Variants in TGFBR3 observed in about 807,000 individuals in gnomAD.
The protein encoded by TGFBR3 is transforming growth factor beta receptor 3.
In TGFBR3, 46 loss-of-function variants were observed where a neutral mutation model predicts 87.9. The observed-to-expected ratio is 0.52, with a 90% CI of 0.41 to 0.67. TGFBR3 has a LOEUF of 0.67. Ranked by LOEUF, TGFBR3 falls within the 30% of genes least tolerant of loss-of-function variation. TGFBR3 has a pLI of 0.00. For missense variants in TGFBR3, 866 were observed against 1,041.9 expected (o/e 0.83, Z 2.32); for synonymous variants, 381 against 391.6 (o/e 0.97, Z 0.32).
chr1:91,846,034 GCT>G (rs954609941), intron 2 of TGFBR3, among the ~76,000 whole-genome samples: 2 of 152,152 alleles, frequency 1.3e-5, no homozygotes, highest in African/African-American at 4.8e-5. Context: ...TGGTCTCTGG[GCT>G]CTCTAGGTCT....
chr1:91,689,836 T>A (rs1250138066), intron 16 of TGFBR3, among the ~76,000 whole-genome samples: 5 of 91,966 alleles, frequency 5.4e-5, no homozygotes, highest in East Asian at 2.9e-4. Context: ...TTTAAGAAAC[T>A]GATTAAAAAA....
chr1:91,829,085 GCA>G (rs1400147614), intron 2 of TGFBR3, among the ~76,000 whole-genome samples: 2 of 152,094 alleles, frequency 1.3e-5, no homozygotes, highest in Non-Finnish European at 2.9e-5. Context: ...CAGTAACAAG[GCA>G]CAGTGTGGCT....
At chr1:91,727,504 T>A (rs889558198) in intron 7 of TGFBR3, among the ~76,000 whole-genome samples, 155 bp downstream of exon 7, 1 of 152,220 alleles carries the variant, frequency 6.6e-6, no homozygotes, top group Admixed American at 6.5e-5. Flanking sequence ...ACCGCACCTA[T>A]TTTATAGGAG....
At chr1:91,759,987 T>C (rs1156940353) in intron 3 of TGFBR3, among the ~76,000 whole-genome samples, 2 of 152,230 alleles carry the variant, frequency 1.3e-5, no homozygotes, top group African/African-American at 4.8e-5. Context: ...ATGACCAATG[T>C]CACTTATCAT....
rs180904769 is a variant in TGFBR3 at position 91,733,928 on chromosome 1, G to A, written c.568+848C>T. Reference sequence around the variant, plus strand: ...CATATGCCTGTAGTCCCAGCTTCTTGGGAGACTGAAGCAGGAGAATCACTT... The same window carrying A: ...CATATGCCTGTAGTCCCAGCTTCTTAGGAGACTGAAGCAGGAGAATCACTT... On this transcript the variant is annotated intron_variant, in intron 5 of 16. Coordinates refer to ENST00000212355, the MANE Select transcript of TGFBR3 (RefSeq NM_003243.5). 3.7e-4 allele frequency among the ~76,000 whole-genome samples: 56 copies of A among 151,998 alleles called. 1 individual carries two copies. Among genetic ancestry groups the A allele is most frequent in the Middle Eastern group, 3.4e-3 (1 of 292 alleles).
At chr1:91,777,927 A>C (rs1295357365) in intron 3 of TGFBR3, among the ~76,000 whole-genome samples, 1 of 152,208 alleles carries the variant, frequency 6.6e-6, no homozygotes, top group African/African-American at 2.4e-5. Context: ...GCCTCCACTC[A>C]ACAAACTGAA....
intron 1 of TGFBR3, among the ~76,000 whole-genome samples, chr1:91,876,110 G>T (rs1199252895): frequency 6.6e-6 from 1 of 152,018 alleles, no homozygotes; most frequent in Non-Finnish European, 1.5e-5. Flanking sequence ...GGTGTGGTGG[G>T]GGTGTGGTGG....
intron 1 of TGFBR3, among the ~76,000 whole-genome samples, chr1:91,883,347 G>A (rs767998473): frequency 6.6e-6 from 1 of 152,076 alleles, no homozygotes; most frequent in African/African-American, 2.4e-5. Context: ...AACTATATGT[G>A]TGTTTATCTA....
At chr1:91,868,098 A>T (rs544607937) in intron 1 of TGFBR3, among the ~76,000 whole-genome samples, 2 of 152,258 alleles carry the variant, frequency 1.3e-5, no homozygotes, top group African/African-American at 4.8e-5. Context: ...TTGTATTTTT[A>T]GTAGAGACAG....
chr1:91,878,643 C>T (rs1033244315), intron 1 of TGFBR3, among the ~76,000 whole-genome samples: 2 of 152,216 alleles, frequency 1.3e-5, no homozygotes, highest in East Asian at 3.8e-4. Context: ...ATCTGATCCA[C>T]AGGAAAGCTC....
intron 3 of TGFBR3, among the ~76,000 whole-genome samples, chr1:91,780,916 CACACACACACACACACAG>C (rs1258253249): frequency 7.3e-5 from 11 of 151,134 alleles, no homozygotes; most frequent in Admixed American, 3.3e-4. Flanking sequence ...CACACACACA[CACACACACACACACACAG>C]AGATCTCATC....
chr1:91,719,203 C>A, intron 10 of TGFBR3, 109 bp downstream of exon 10: 1 of 1,463,182 alleles, frequency 6.8e-7, no homozygotes, highest in East Asian at 2.3e-5. Flanking sequence ...TTTCTTCAGG[C>A]CTGGGGTGAA....
At position 91,682,505 on chromosome 1, in the gene TGFBR3, C is replaced by T; in HGVS notation, c.*1234G>A. ...CATTTAATGAAATTCACCTCAAGCC[C>T]TTTTTGACATATTAAATATATGGGA... On this transcript the variant is annotated 3_prime_UTR_variant, in exon 17 of 17. Transcript: ENST00000212355. 2.2e-6 allele frequency: 1 copy of T among 451,466 alleles called. No individual in the cohort carries two copies. Among genetic ancestry groups the T allele is most frequent in the Non-Finnish European group, 4.4e-6 (1 of 226,452 alleles). The allele number at this position is 451,466 out of a possible 1,614,324, so 28.0% of individuals were successfully genotyped here.
chr1:91,834,466 G>A (rs1010478682), intron 2 of TGFBR3, among the ~76,000 whole-genome samples: 6 of 152,182 alleles, frequency 3.9e-5, no homozygotes, highest in African/African-American at 1.4e-4. Context: ...CTGCACTAAA[G>A]TGAAAATCTA....
At chr1:91,841,251 G>A (rs1677267116) in intron 2 of TGFBR3, among the ~76,000 whole-genome samples, 2 of 152,206 alleles carry the variant, frequency 1.3e-5, no homozygotes, top group Non-Finnish European at 2.9e-5. Context: ...ACTGCACAGT[G>A]CTTTTCCTCA....
intron 4 of TGFBR3, among the ~76,000 whole-genome samples, chr1:91,745,935 T>C (rs989603713): frequency 2.0e-5 from 3 of 152,212 alleles, no homozygotes; most frequent in African/African-American, 4.8e-5. Flanking sequence ...TCTTGGGTGA[T>C]TTTATTTAGT....
chr1:91,857,768 A>G (rs1191918468), intron 2 of TGFBR3, among the ~76,000 whole-genome samples: 4 of 152,200 alleles, frequency 2.6e-5, no homozygotes, highest in Non-Finnish European at 5.9e-5. Flanking sequence ...GCAAGATCCC[A>G]TCTCTCCAAA....
chr1:91,697,648 TAC>T (rs1290876663), intron 15 of TGFBR3, among the ~76,000 whole-genome samples: 3 of 152,238 alleles, frequency 2.0e-5, no homozygotes, highest in Non-Finnish European at 4.4e-5. Context: ...GCCCTTGCAC[TAC>T]GGATTGTCTT....
At chr1:91,794,213 T>TG (rs111239285) in intron 3 of TGFBR3, among the ~76,000 whole-genome samples, 42,629 of 151,470 alleles carry the variant, frequency 0.28, 6,898 homozygotes, top group African/African-American at 0.45. Flanking sequence ...ACCTTTTTTT[T>TG]TTGTTGTTGA....
Sources: gnomAD v4.1 joint callset for allele counts (sites outside exome capture counted in the v4.1 genomes callset) on GRCh38, gnomAD v4.1.1 for gene constraint, MANE v1.5 for transcripts, NCBI Gene and HGNC (gene_info 2026-07-23, HGNC 2026-07-21) for gene names.